The following RORB variants were observed in gnomAD, a reference collection of about 807,000 sequenced individuals.
The protein encoded by RORB is RAR related orphan receptor B.
RORB carries 6 observed loss-of-function variants against 59.1 expected under a neutral mutation model. The observed-to-expected ratio is 0.10, with a 90% CI of 0.06 to 0.20. The LOEUF (loss-of-function observed/expected upper bound fraction) is 0.20. Ranked by LOEUF, RORB falls within the 10% of genes least tolerant of loss-of-function variation. The pLI is 1.00. For missense variants in RORB, 320 were observed against 560.5 expected (o/e 0.57, Z 4.33); for synonymous variants, 215 against 204.5 (o/e 1.05, Z -0.44).
intron 3 of RORB, 66 bp downstream of exon 3, chr9:74,634,838 TA>T: frequency 6.9e-7 from 1 of 1,443,310 alleles, no homozygotes; most frequent in Non-Finnish European, 9.3e-7. Flanking sequence ...GGAGTCTATT[TA>T]AGCTGCTGGA....
At chr9:74,567,348 G>T (rs1043979565) in intron 1 of RORB, among the ~76,000 whole-genome samples, 1 of 152,240 alleles carries the variant, frequency 6.6e-6, no homozygotes, top group African/African-American at 2.4e-5. Context: ...TACTTGAGAG[G>T]ACCCTCTCTA....
intron 1 of RORB, among the ~76,000 whole-genome samples, chr9:74,629,772 T>A (rs1823585221): frequency 6.6e-6 from 1 of 152,216 alleles, no homozygotes; most frequent in Non-Finnish European, 1.5e-5. Flanking sequence ...TTGGACTGAT[T>A]TATTATTGAC....
intron 1 of RORB, among the ~76,000 whole-genome samples, chr9:74,559,367 C>T (rs1822360893): frequency 6.6e-6 from 1 of 152,244 alleles, no homozygotes; most frequent in Non-Finnish European, 1.5e-5. Context: ...AAGGCAGACA[C>T]GTTTGACCTA....
At chr9:74,520,862 A>G (rs1056989878) in intron 1 of RORB, among the ~76,000 whole-genome samples, 2 of 151,702 alleles carry the variant, frequency 1.3e-5, no homozygotes, top group African/African-American at 4.8e-5. Context: ...TTTCCTATCT[A>G]TTGCTCCACA....
chr9:74,625,745 A>G (rs1284550387), intron 1 of RORB, among the ~76,000 whole-genome samples: 1 of 152,260 alleles, frequency 6.6e-6, no homozygotes, highest in Non-Finnish European at 1.5e-5. Context: ...GACACCATAG[A>G]AAACAAAGTA....
chr9:74,530,806 G>A (rs762710679), intron 1 of RORB, among the ~76,000 whole-genome samples: 21 of 151,808 alleles, frequency 1.4e-4, no homozygotes, highest in Admixed American at 2.0e-4. Context: ...CATGTGCCAC[G>A]TTGGTGTGCT....
At chr9:74,662,771 T>A (rs1371577646) in intron 6 of RORB, among the ~76,000 whole-genome samples, 165 bp downstream of exon 6, 1 of 152,172 alleles carries the variant, frequency 6.6e-6, no homozygotes, top group Non-Finnish European at 1.5e-5. Context: ...AATGCCCTGA[T>A]ACTCATTCAG....
At chr9:74,555,879 T>C (rs1822279445) in intron 1 of RORB, among the ~76,000 whole-genome samples, 1 of 152,218 alleles carries the variant, frequency 6.6e-6, no homozygotes. Flanking sequence ...CCAGCAGAAA[T>C]TTCTCAGAGA....
intron 6 of RORB, among the ~76,000 whole-genome samples, chr9:74,663,082 G>A (rs1824215494): frequency 6.6e-6 from 1 of 152,070 alleles, no homozygotes; most frequent in African/African-American, 2.4e-5. Flanking sequence ...CTAACACACT[G>A]TCTGACACAC....
At chr9:74,629,621 A>G (rs1587393613) in intron 1 of RORB, among the ~76,000 whole-genome samples, 1 of 152,150 alleles carries the variant, frequency 6.6e-6, no homozygotes, top group Non-Finnish European at 1.5e-5. Context: ...TATTGAATTC[A>G]TATTTGGTAC....
intron 1 of RORB, among the ~76,000 whole-genome samples, chr9:74,534,430 T>G (rs1826291238): frequency 6.6e-6 from 1 of 152,060 alleles, no homozygotes; most frequent in Non-Finnish European, 1.5e-5. Context: ...TCCAATCTAA[T>G]GAGTGCGTTG....
At chr9:74,667,923 T>C (rs1310303801) in intron 8 of RORB, 22 bp downstream of exon 8, 1 of 1,467,392 alleles carries the variant, frequency 6.8e-7, no homozygotes, top group South Asian at 1.1e-5. Flanking sequence ...TCAGTTCTCT[T>C]ACCTTTTTAA....
intron 1 of RORB, among the ~76,000 whole-genome samples, chr9:74,562,590 T>A (rs746327429): frequency 8.5e-5 from 13 of 152,276 alleles, no homozygotes; most frequent in Non-Finnish European, 1.5e-4. Flanking sequence ...TTCTCCCTAC[T>A]CCTTCACCAT....
At chr9:74,535,191 C>T (rs1587347581) in intron 1 of RORB, among the ~76,000 whole-genome samples, 2 of 151,632 alleles carry the variant, frequency 1.3e-5, no homozygotes, top group Admixed American at 1.3e-4. Flanking sequence ...TCTGTGTGTA[C>T]AACATTTTAC....
At chr9:74,658,376 T>C (rs1433182998) in intron 4 of RORB, among the ~76,000 whole-genome samples, 1 of 152,200 alleles carries the variant, frequency 6.6e-6, no homozygotes, top group African/African-American at 2.4e-5. Flanking sequence ...TCCTATTTCC[T>C]TAACCTTCCC....
chr9:74,526,896 T>TA (rs920390074), intron 1 of RORB, among the ~76,000 whole-genome samples: 6 of 151,926 alleles, frequency 3.9e-5, no homozygotes, highest in African/African-American at 7.2e-5. Flanking sequence ...TCACTGGACT[T>TA]ATGATTAGAG....
intron 1 of RORB, among the ~76,000 whole-genome samples, chr9:74,597,323 A>G (rs969467140): frequency 5.9e-5 from 9 of 152,224 alleles, no homozygotes; most frequent in Admixed American, 4.6e-4. Context: ...CAGGCTGCAA[A>G]TATCAAGTCT....
chr9:74,541,989 G>A (rs1194354341), intron 1 of RORB, among the ~76,000 whole-genome samples: 2 of 152,024 alleles, frequency 1.3e-5, no homozygotes, highest in African/African-American at 4.8e-5. Context: ...CTATGTGGGC[G>A]AGAGGGAGCC....
chr9:74,651,755 C>A (rs1823997087), intron 4 of RORB, among the ~76,000 whole-genome samples: 1 of 152,094 alleles, frequency 6.6e-6, no homozygotes, highest in African/African-American at 2.4e-5. Flanking sequence ...ACTATATAAC[C>A]CCCTTAAAAC....
Sources: allele counts gnomAD v4.1 joint callset (sites outside exome capture counted in the v4.1 genomes callset), GRCh38; gene constraint gnomAD v4.1.1; transcripts MANE v1.5; gene names NCBI Gene and HGNC (gene_info 2026-07-23, HGNC 2026-07-21).